Variants in MSRA observed in about 807,000 individuals in gnomAD.
The protein encoded by MSRA is methionine sulfoxide reductase A.
A neutral mutation model predicts 31.3 loss-of-function variants in MSRA; 54 were observed. That is an observed-to-expected ratio of 1.73 (90% CI 1.39 to 2.17). The LOEUF is 2.17. Ranked by LOEUF, MSRA falls within the 30% of genes most tolerant of loss-of-function variation. MSRA has a pLI of 0.00. For synonymous variants in MSRA, 169 were observed against 116.5 expected, an observed-to-expected ratio of 1.45 and a Z score of -2.90; for missense variants, 507 against 300.9, an observed-to-expected ratio of 1.69 and a Z score of -5.07.
At chr8:10,180,171 C>A (rs188716664) in intron 1 of MSRA, among the ~76,000 whole-genome samples, 1 of 152,290 alleles carries the variant, frequency 6.6e-6, no homozygotes, top group Non-Finnish European at 1.5e-5. Flanking sequence ...ACTCAGTAGT[C>A]CACACAACCC....
chr8:10,347,729 T>A (rs958187865), intron 5 of MSRA, among the ~76,000 whole-genome samples: 18 of 152,328 alleles, frequency 1.2e-4, no homozygotes, highest in Non-Finnish European at 2.1e-4. Flanking sequence ...CTCAACCGTA[T>A]GAAATAATCC....
chr8:10,133,199 G>C (rs1485636287), intron 1 of MSRA, among the ~76,000 whole-genome samples: 2 of 152,228 alleles, frequency 1.3e-5, no homozygotes, highest in South Asian at 4.1e-4. Context: ...GGTGGCTGGA[G>C]ACAGGGTTGG....
chr8:10,107,981 G>C (rs1258979547), intron 1 of MSRA, among the ~76,000 whole-genome samples: 1 of 152,100 alleles, frequency 6.6e-6, no homozygotes, highest in African/African-American at 2.4e-5. Flanking sequence ...TAACCCAGCT[G>C]TCCCTTCCCA....
intron 1 of MSRA, among the ~76,000 whole-genome samples, chr8:10,123,732 G>A (rs1015423902): frequency 1.9e-4 from 29 of 151,986 alleles, no homozygotes; most frequent in Admixed American, 5.2e-4. Context: ...CAGTTATCCC[G>A]GCACCATTTA....
intron 1 of MSRA, among the ~76,000 whole-genome samples, chr8:10,136,728 C>T (rs1031945629): frequency 2.0e-5 from 3 of 152,172 alleles, no homozygotes; most frequent in African/African-American, 4.8e-5. Context: ...GGAGCCCACT[C>T]GGGGTCAGGG....
intron 3 of MSRA, among the ~76,000 whole-genome samples, chr8:10,274,033 C>T (rs1799186875): frequency 6.6e-6 from 1 of 152,094 alleles, no homozygotes; most frequent in African/African-American, 2.4e-5. Context: ...GGGAGAAGCC[C>T]CTTCTTCCTC....
chr8:10,155,537 C>T (rs903521026), intron 1 of MSRA, among the ~76,000 whole-genome samples: 3 of 152,194 alleles, frequency 2.0e-5, no homozygotes, highest in African/African-American at 7.2e-5. Context: ...GAGCATCTCT[C>T]ATGCCCAGAT....
In MSRA at chr8:10,405,414, C is replaced by T. The variant is rs1259245852; in HGVS notation, c.544-22734C>T. 2.0e-5 allele frequency among the ~76,000 whole-genome samples: 3 copies of T among 152,226 alleles called. No homozygotes were observed. In the East Asian group the frequency reaches 5.8e-4, roughly 29 times the overall value. ...ATCTGGCGCGAGATGGTCGCCAAGTCACTGCTGTTCCATCATGGCAGAAGG... is the reference window on the plus strand; with the variant it reads ...ATCTGGCGCGAGATGGTCGCCAAGTTACTGCTGTTCCATCATGGCAGAAGG... On this transcript the variant is annotated intron_variant, in intron 5 of 5. Transcript: ENST00000317173.
chr8:10,233,918 T>A (rs1405225889), intron 2 of MSRA, among the ~76,000 whole-genome samples: 1 of 152,116 alleles, frequency 6.6e-6, no homozygotes, highest in Non-Finnish European at 1.5e-5. Context: ...TGAAAAAATA[T>A]TAATAACTGT....
chr8:10,259,127 A>C (rs2975688), intron 3 of MSRA, among the ~76,000 whole-genome samples: 1 of 151,566 alleles, frequency 6.6e-6, no homozygotes, highest in South Asian at 2.1e-4. Flanking sequence ...AAAGAGGCAG[A>C]TATATATGTT....
chr8:10,197,098 A>T (rs1436499175), intron 1 of MSRA, among the ~76,000 whole-genome samples: 1 of 152,198 alleles, frequency 6.6e-6, no homozygotes, highest in Admixed American at 6.5e-5. Context: ...TGAAATACAG[A>T]TTTTAATCCT....
intron 4 of MSRA, among the ~76,000 whole-genome samples, chr8:10,308,204 C>T (rs1224522537): frequency 6.6e-6 from 1 of 152,236 alleles, no homozygotes; most frequent in Non-Finnish European, 1.5e-5. Flanking sequence ...TCATTTTCTA[C>T]AGCAGCTGAA....
intron 2 of MSRA, among the ~76,000 whole-genome samples, chr8:10,211,365 T>C (rs1219139262): frequency 6.6e-6 from 1 of 152,194 alleles, no homozygotes; most frequent in Non-Finnish European, 1.5e-5. Context: ...CTGGTTTTTC[T>C]GCCCCCATCA....
At chr8:10,263,849 T>C (rs534690300) in intron 3 of MSRA, among the ~76,000 whole-genome samples, 6 of 152,230 alleles carry the variant, frequency 3.9e-5, no homozygotes, top group Non-Finnish European at 7.3e-5. Flanking sequence ...CTGATGCTTT[T>C]AGAAATCAAA....
At chr8:10,291,235 T>C (rs1800217607) in intron 3 of MSRA, among the ~76,000 whole-genome samples, 1 of 152,224 alleles carries the variant, frequency 6.6e-6, no homozygotes, top group Non-Finnish European at 1.5e-5. Flanking sequence ...CTGAAGGATA[T>C]GTCTGTATAA....
chr8:10,357,778 T>C (rs946125068), intron 5 of MSRA, among the ~76,000 whole-genome samples: 2 of 152,254 alleles, frequency 1.3e-5, no homozygotes, highest in Admixed American at 6.5e-5. Flanking sequence ...CACCATACAA[T>C]GTGTAGTGCG....
chr8:10,075,725 G>A (rs3735823), intron 1 of MSRA, among the ~76,000 whole-genome samples: 79,550 of 152,064 alleles, frequency 0.52, 22,955 homozygotes, highest in Middle Eastern at 0.66. Flanking sequence ...CTCTCGTAAG[G>A]TGGTTCTCAG....
At chr8:10,106,302 C>T in intron 1 of MSRA, among the ~76,000 whole-genome samples, 1 of 152,154 alleles carries the variant, frequency 6.6e-6, no homozygotes, top group East Asian at 1.9e-4. Flanking sequence ...AGGGAGTGAG[C>T]CTCCCTTCAG....
intron 2 of MSRA, among the ~76,000 whole-genome samples, chr8:10,242,992 A>G (rs912963334): frequency 6.6e-6 from 1 of 152,164 alleles, no homozygotes. Context: ...CTTGATCCCT[A>G]TTAAGCATTA....
Sources: gnomAD v4.1 joint callset for allele counts (sites outside exome capture counted in the v4.1 genomes callset) on GRCh38, gnomAD v4.1.1 for gene constraint, MANE v1.5 for transcripts, NCBI Gene and HGNC (gene_info 2026-07-23, HGNC 2026-07-21) for gene names.